The following HEATR3 variants were observed in gnomAD, a reference collection of about 807,000 sequenced individuals.
The protein encoded by HEATR3 is HEAT repeat-containing protein 3.
In HEATR3, 56 loss-of-function variants were observed where a neutral mutation model predicts 72.8. The ratio of observed to expected loss-of-function variants is 0.77; its 90% CI spans 0.62 to 0.96. The LOEUF (loss-of-function observed/expected upper bound fraction) is 0.96. Ranked by LOEUF, HEATR3 falls within the 40% of genes least tolerant of loss-of-function variation. The pLI, the probability that HEATR3 is intolerant of heterozygous loss-of-function variation, is 0.00. For missense variants in HEATR3, 747 were observed against 831.4 expected, an observed-to-expected ratio of 0.90 and a Z score of 1.25; for synonymous variants, 331 against 318.1, an observed-to-expected ratio of 1.04 and a Z score of -0.43.
Position 50,106,251 on chromosome 16 carries a change from G to A in HEATR3, c.*1190G>A, listed in dbSNP as rs1352352494. On this transcript the variant is annotated 3_prime_UTR_variant, in exon 15 of 15. Transcript: ENST00000299192. ...ATTTCACTTACTAGATTATACTAAT[G>A]AGCTAATGGGGTCATTGCCATCCTC... 1 of 152,088 alleles carries A rather than the reference G, an allele frequency of 6.6e-6. No homozygotes were observed. Among genetic ancestry groups the A allele is most frequent in the Non-Finnish European group, 1.5e-5 (1 of 68,024 alleles). The allele number at this position is 152,088 out of a possible 1,614,324, so 9.4% of individuals were successfully genotyped here. A position where few individuals can be genotyped will look rare whatever the true frequency, so the allele number is the denominator to read the frequency against.
rs1161274614 is a variant in HEATR3, at chr16:50,105,682, G to C, written c.*621G>C. 6.6e-6 allele frequency: 1 copy of C among 151,796 alleles called. No individual in the cohort carries two copies. The highest frequency in any genetic ancestry group is 1.9e-4 in the East Asian group (1 of 5,134). The allele number at this position is 151,796 out of a possible 1,614,324, so 9.4% of individuals were successfully genotyped here. ...TTCTCATGCCTCAGCCTCCTGAGTA[G>C]CTGGAATTACAGGCACCCACCACCA... On this transcript the variant is annotated 3_prime_UTR_variant, in exon 15 of 15. Transcript: ENST00000299192.
intron 12 of HEATR3, among the ~76,000 whole-genome samples, chr16:50,096,134 G>A (rs12926346): frequency 0.62 from 93,817 of 151,422 alleles, 30,793 homozygotes; most frequent in South Asian, 0.72. Context: ...AGACCAGCCT[G>A]GCCAACATGG....
At chr16:50,076,865 A>G (rs1431765648) in intron 6 of HEATR3, among the ~76,000 whole-genome samples, 3 of 106,390 alleles carry the variant, frequency 2.8e-5, no homozygotes, top group Non-Finnish European at 5.6e-5. Flanking sequence ...ACACCTGGCT[A>G]TTTTTTTTTT....
intron 7 of HEATR3, among the ~76,000 whole-genome samples, chr16:50,082,714 G>A (rs1299827662): frequency 2.1e-5 from 3 of 143,948 alleles, no homozygotes; most frequent in African/African-American, 7.8e-5. Context: ...TTGAGGTCAG[G>A]ATTTCAAGAC....
At position 50,105,117 on chromosome 16, in the gene HEATR3, A is replaced by G. The variant is rs1343573335; in HGVS notation, c.*56A>G. ...CAAAGTATTCAATGCTTAGAATACT[A>G]AAAGGTTTTCTTTGAATGTATATGT... On this transcript the variant is annotated 3_prime_UTR_variant, in exon 15 of 15. Transcript: ENST00000299192. The G allele has an allele frequency of 5.3e-6, 8 of 1,523,662 alleles. No individual in the cohort carries two copies. The East Asian group carries it at 1.4e-4, about 26-fold the overall frequency. The allele number at this position is 1,523,662 out of a possible 1,614,324, so 94.4% of individuals were successfully genotyped here.
At chr16:50,102,960 G>T (rs1162841934) in intron 14 of HEATR3, among the ~76,000 whole-genome samples, 1 of 151,862 alleles carries the variant, frequency 6.6e-6, no homozygotes, top group African/African-American at 2.4e-5. Context: ...ACGGGGATTC[G>T]CCTTGTCATC....
rs2036714604 is a variant in HEATR3 at position 50,075,791 on chromosome 16, C to G, written c.763+80C>G. On this transcript the variant is annotated intron_variant, in intron 6 of 14. Transcript: ENST00000299192. ...GTGGTGGGGGCAAAATTTAGTCATT[C>G]ATTTCAACACATTAGGTCTTCTGTG... 2.7e-6 allele frequency: 3 copies of G among 1,130,700 alleles called. No individual in the cohort carries two copies. The Admixed American group carries it at 5.8e-5, about 22-fold the overall frequency. 70.0% of individuals were successfully genotyped at this position (1,130,700 alleles called of 1,614,324 possible).
At chr16:50,074,046 T>C (rs985444997) in intron 5 of HEATR3, 4 of 152,314 alleles carry the variant, frequency 2.6e-5, no homozygotes, top group East Asian at 1.9e-4. Context: ...GACAAAGATA[T>C]TACATTTGGA....
At chr16:50,071,378 TAG>T (rs1193310158) in intron 4 of HEATR3, among the ~76,000 whole-genome samples, 6 of 152,322 alleles carry the variant, frequency 3.9e-5, no homozygotes, top group African/African-American at 1.4e-4. Flanking sequence ...CCAGAAATAT[TAG>T]AGAGATCAGA....
intron 3 of HEATR3, chr16:50,069,299 C>T (rs2036562364): frequency 6.1e-6 from 1 of 164,142 alleles, no homozygotes; most frequent in Non-Finnish European, 1.3e-5. Context: ...AGTAAGTTCT[C>T]ATGTTTGATC....
intron 10 of HEATR3, 99 bp downstream of exon 10, chr16:50,084,750 A>G: frequency 1.2e-6 from 1 of 844,282 alleles, no homozygotes; most frequent in Non-Finnish European, 1.9e-6. Flanking sequence ...AGGACCCAGA[A>G]GTTTTGTTCC....
At position 50,106,850 on chromosome 16, in the gene HEATR3, C is replaced by T. The variant is rs990513858; in HGVS notation, c.*1789C>T. Among the ~76,000 whole-genome samples the T allele has an allele frequency of 6.6e-6, 1 of 152,042 alleles. No homozygotes were observed. The highest frequency in any genetic ancestry group is 1.5e-5 in the Non-Finnish European group (1 of 68,000). On this transcript the variant is annotated 3_prime_UTR_variant, in exon 15 of 15. Transcript: ENST00000299192. ...TATATGATATAGACTGTTGGGAAAC[C>T]AAGATTGTTTCCCAGCCCTAAGAGT...
At chr16:50,072,545 G>A (rs930584707) in intron 4 of HEATR3, 60 bp from the exon 5 acceptor site, 3 of 1,071,750 alleles carry the variant, frequency 2.8e-6, no homozygotes, top group African/African-American at 1.6e-5. Flanking sequence ...GGATTGCTAT[G>A]GTTGATTTCC....
In HEATR3 at chr16:50,105,317, A is replaced by G. The variant is rs2037460587; in HGVS notation, c.*256A>G. On this transcript the variant is annotated 3_prime_UTR_variant, in exon 15 of 15. Transcript: ENST00000299192. The stretch of plus-strand genomic sequence containing the variant: ...TGGCCAACATGGTGAAACCGCATGC[A>G]TAAGCATGGTGGCACATGCCTGTGA... 2.7e-6 allele frequency: 1 copy of G among 367,210 alleles called. No individual in the cohort carries two copies. 22.7% of individuals were successfully genotyped at this position (367,210 alleles called of 1,614,324 possible).
chr16:50,070,380 G>A, intron 4 of HEATR3, 90 bp downstream of exon 4: 1 of 538,658 alleles, frequency 1.9e-6, no homozygotes, highest in Non-Finnish European at 3.3e-6. Flanking sequence ...TGTTCCCCTT[G>A]GTAGGCCTGT....
At position 50,066,182 on chromosome 16, in the gene HEATR3, G is replaced by C; in HGVS notation, c.51G>C (p.Thr17=). 1 of 1,594,002 alleles carries C rather than the reference G, an allele frequency of 6.3e-7. No homozygotes were observed. Among genetic ancestry groups the C allele is most frequent in the Non-Finnish European group, 8.5e-7 (1 of 1,171,768 alleles). ...KRFKRPQFSP[T]GDCQAEAAAA... ...TCAAGCGACCTCAGTTCTCCCCTAC[G>C]GGCGACTGTCAGGCCGAGGCGGCTG... is the stretch of plus-strand genomic sequence containing the variant. The change falls in exon 1 of 15, where the codon ACG becomes ACC. Residue 17 remains threonine, a synonymous_variant. Transcript: ENST00000299192.
chr16:50,093,873 C>T (rs2037174300), intron 11 of HEATR3, among the ~76,000 whole-genome samples: 1 of 152,234 alleles, frequency 6.6e-6, no homozygotes. Context: ...CTTTTGTGAC[C>T]TAGCCCGTCA....
At chr16:50,076,549 T>G (rs1567429694) in intron 6 of HEATR3, among the ~76,000 whole-genome samples, 1 of 151,962 alleles carries the variant, frequency 6.6e-6, no homozygotes, top group South Asian at 2.1e-4. Context: ...TCGTTTTGGG[T>G]TTTTTTGAGA....
Position 50,066,095 on chromosome 16 carries a change from C to A in HEATR3, c.-37C>A. ...AGCCTCCACCGCCTGCTGTTGCCCT[C>A]CTCTCTCGGTGGTCTGTCCGCCCAG... On this transcript the variant is annotated 5_prime_UTR_variant, in exon 1 of 15. Transcript: ENST00000299192. 6.4e-7 allele frequency: 1 copy of A among 1,560,560 alleles called. No individual in the cohort carries two copies.
Sources: allele counts gnomAD v4.1 joint callset (sites outside exome capture counted in the v4.1 genomes callset), GRCh38; gene constraint gnomAD v4.1.1; transcripts MANE v1.5; gene names NCBI Gene and HGNC (gene_info 2026-07-23, HGNC 2026-07-21).